LRRN3: variants seen among roughly 807,000 people sequenced by gnomAD.
The protein encoded by LRRN3 is leucine-rich repeat neuronal protein 3.
Under a neutral mutation model 40.1 loss-of-function variants are expected in LRRN3, and 15 were observed. The ratio of observed to expected loss-of-function variants is 0.37; its 90% CI spans 0.25 to 0.58. The LOEUF is 0.58. LRRN3 is among the 20% of genes least tolerant of loss of function. LRRN3 has a pLI of 0.72. For synonymous variants in LRRN3, 308 were observed against 297.2 expected, an observed-to-expected ratio of 1.04 and a Z score of -0.37; for missense variants, 746 against 837.7, an observed-to-expected ratio of 0.89 and a Z score of 1.35.
chr7:111,100,235 G>A (rs538624903), intron 2 of LRRN3, among the ~76,000 whole-genome samples: 1 of 151,520 alleles, frequency 6.6e-6, no homozygotes, highest in African/African-American at 2.4e-5. Flanking sequence ...CATCACCCAA[G>A]CAGTGTACAC....
chr7:111,095,371 T>C (rs1797294979), intron 1 of LRRN3, among the ~76,000 whole-genome samples: 1 of 151,838 alleles, frequency 6.6e-6, no homozygotes, highest in Admixed American at 6.6e-5. Context: ...AAATTCTGCC[T>C]CCTTGGTCTT....
intron 2 of LRRN3, among the ~76,000 whole-genome samples, chr7:111,102,924 T>G (rs2129580542): frequency 6.6e-6 from 1 of 151,576 alleles, no homozygotes; most frequent in South Asian, 2.1e-4. Context: ...AATGTCCCAA[T>G]TTCCCCTTAA....
chr7:111,120,791 C>T (rs1800503059), intron 2 of LRRN3, among the ~76,000 whole-genome samples: 1 of 151,982 alleles, frequency 6.6e-6, no homozygotes, highest in Admixed American at 6.6e-5. Flanking sequence ...CAGCTAATAC[C>T]ACTACATCTA....
chr7:111,113,712 A>C (rs1203146507), intron 2 of LRRN3, among the ~76,000 whole-genome samples: 1 of 152,120 alleles, frequency 6.6e-6, no homozygotes, highest in Non-Finnish European at 1.5e-5. Flanking sequence ...GGTCTACATG[A>C]GACACACATT....
intron 1 of LRRN3, among the ~76,000 whole-genome samples, chr7:111,094,703 C>T (rs990848115): frequency 2.0e-5 from 3 of 152,118 alleles, no homozygotes; most frequent in Admixed American, 6.6e-5. Context: ...AATTCCTCTC[C>T]TCTCCTTCTG....
Position 111,124,995 on chromosome 7 carries a change from A to G in LRRN3, c.*96A>G. The G allele has an allele frequency of 1.1e-6, 1 of 870,294 alleles. No homozygotes were observed. 53.9% of individuals were successfully genotyped at this position (870,294 alleles called of 1,614,324 possible). On this transcript the variant is annotated 3_prime_UTR_variant, in exon 3 of 3. Transcript: ENST00000308478. ...AACAAAACAAAACAAACAAACAAAC[A>G]AAAAAGTAAAAAAAGATTACTTTCG...
At chr7:111,095,961 A>G (rs1797354500) in intron 1 of LRRN3, among the ~76,000 whole-genome samples, 1 of 151,948 alleles carries the variant, frequency 6.6e-6, no homozygotes, top group East Asian at 1.9e-4. Flanking sequence ...CCAGTAGGCA[A>G]TGATATCTCC....
chr7:111,109,864 G>T (rs550792129), intron 2 of LRRN3, among the ~76,000 whole-genome samples: 1 of 152,150 alleles, frequency 6.6e-6, no homozygotes, highest in Non-Finnish European at 1.5e-5. Flanking sequence ...GGCTGGGCGC[G>T]GTGGCTCATG....
chr7:111,124,205 A>C lies in LRRN3; in HGVS notation c.1433A>C (p.Glu478Ala). Residue 478 changes from glutamate (E) to alanine (A), a missense_variant, in exon 3 of 3, where the codon GAG (glutamate) becomes GCG (alanine). By Grantham distance (107) the Glu-to-Ala change is moderately radical. Coordinates refer to ENST00000308478, the MANE Select transcript of LRRN3 (RefSeq NM_001099658.2). Reference protein sequence around the residue: ...TLTDKFYVHSEGTLDINGVTP... With the variant: ...TLTDKFYVHSAGTLDINGVTP... ...ACAGACAAGTTCTATGTCCATTCTG[A>C]GGGAACACTAGATATAAATGGCGTA... is the stretch of plus-strand genomic sequence containing the variant. 1 of 1,613,916 alleles carries C rather than the reference A, an allele frequency of 6.2e-7. No individual in the cohort carries two copies. The highest frequency in any genetic ancestry group is 8.5e-7 in the Non-Finnish European group (1 of 1,179,918).
intron 2 of LRRN3, among the ~76,000 whole-genome samples, chr7:111,109,066 AAAC>A (rs1025831288): frequency 1.3e-5 from 2 of 152,206 alleles, no homozygotes; most frequent in Non-Finnish European, 2.9e-5. Flanking sequence ...TCTATAAAGA[AAAC>A]AACATGGTGA....
At chr7:111,119,952 A>C (rs910997361) in intron 2 of LRRN3, among the ~76,000 whole-genome samples, 2 of 152,180 alleles carry the variant, frequency 1.3e-5, no homozygotes, top group Non-Finnish European at 2.9e-5. Context: ...CAGAGGGGAG[A>C]TTCTTGAACT....
intron 2 of LRRN3, among the ~76,000 whole-genome samples, chr7:111,121,117 T>A (rs924441141): frequency 6.6e-6 from 1 of 152,346 alleles, no homozygotes; most frequent in Non-Finnish European, 1.5e-5. Flanking sequence ...ATGTTTAACC[T>A]TTTAACGATT....
At chr7:111,091,552 C>A (rs1350156486) in intron 1 of LRRN3, 48 bp downstream of exon 1, 1 of 152,146 alleles carries the variant, frequency 6.6e-6, no homozygotes, top group Non-Finnish European at 1.5e-5. Flanking sequence ...TATTTCTTGT[C>A]TCTTCGATGA....
At chr7:111,115,639 A>T (rs2129585367) in intron 2 of LRRN3, among the ~76,000 whole-genome samples, 1 of 151,658 alleles carries the variant, frequency 6.6e-6, no homozygotes, top group African/African-American at 2.4e-5. Context: ...ATTTGCAATT[A>T]TTTTTTATTT....
At position 111,124,081 on chromosome 7, in the gene LRRN3, G is replaced by A. The variant is rs774528058; in HGVS notation, c.1309G>A (p.Gly437Arg). Residue 437 changes from glycine to arginine, a missense_variant, in exon 3 of 3, where the codon GGG becomes AGG. Gly to Arg is a moderately radical substitution (Grantham distance 125, BLOSUM62 -2). Coordinates refer to ENST00000308478, the MANE Select transcript of LRRN3 (RefSeq NM_001099658.2). ...TCCTTCTAATCTAAATGTAGAAGCTGGGAGCTATGTTTCCTTTCACTGTAG... is the reference window on the plus strand; with the variant it reads ...TCCTTCTAATCTAAATGTAGAAGCTAGGAGCTATGTTTCCTTTCACTGTAG... ...SFPSNLNVEA[G>R]SYVSFHCRAT... 4.3e-6 allele frequency: 7 copies of A among 1,613,802 alleles called. No homozygotes were observed. Among genetic ancestry groups the A allele is most frequent in the Non-Finnish European group, 5.1e-6 (6 of 1,179,910 alleles).
At chr7:111,109,448 G>C (rs1215198252) in intron 2 of LRRN3, among the ~76,000 whole-genome samples, 1 of 152,094 alleles carries the variant, frequency 6.6e-6, no homozygotes, top group Non-Finnish European at 1.5e-5. Flanking sequence ...CAGTGAGTAA[G>C]ACATAGGTCT....
At chr7:111,121,895 G>A (rs1236596199) in intron 2 of LRRN3, among the ~76,000 whole-genome samples, 3 of 152,098 alleles carry the variant, frequency 2.0e-5, no homozygotes, top group Non-Finnish European at 4.4e-5. Flanking sequence ...ATACTATGCA[G>A]CCATAAAAAA....
At chr7:111,116,625 G>C (rs572235783) in intron 2 of LRRN3, among the ~76,000 whole-genome samples, 1 of 152,226 alleles carries the variant, frequency 6.6e-6, no homozygotes, top group African/African-American at 2.4e-5. Flanking sequence ...TGCATATTTT[G>C]TGAGAAACTA....
chr7:111,110,880 A>G (rs1248321662), intron 2 of LRRN3, among the ~76,000 whole-genome samples: 1 of 152,156 alleles, frequency 6.6e-6, no homozygotes, highest in Non-Finnish European at 1.5e-5. Flanking sequence ...AAATCATGTG[A>G]CTGTGAAGGG....
Sources: gnomAD v4.1 joint callset for allele counts (sites outside exome capture counted in the v4.1 genomes callset) on GRCh38, gnomAD v4.1.1 for gene constraint, MANE v1.5 for transcripts, NCBI Gene and HGNC (gene_info 2026-07-23, HGNC 2026-07-21) for gene names.